The following NDST3 variants were observed in gnomAD, a reference collection of about 807,000 sequenced individuals.
NDST3 encodes the protein bifunctional heparan sulfate N-deacetylase/N-sulfotransferase 3.
Under a neutral mutation model 96.1 loss-of-function variants are expected in NDST3, and 58 were observed. That is an observed-to-expected ratio of 0.60 (90% CI 0.49 to 0.75). NDST3 has a LOEUF of 0.75. Among genes scored for constraint, NDST3 ranks in the 30% least tolerant of loss-of-function variants. The pLI, the probability that NDST3 is intolerant of heterozygous loss-of-function variation, is 0.00. For synonymous variants in NDST3, 333 were observed against 359.7 expected (o/e 0.93, Z 0.84); for missense variants, 788 against 1,034.2 (o/e 0.76, Z 3.27).
intron 3 of NDST3, among the ~76,000 whole-genome samples, chr4:118,107,556 TAAA>T (rs1730300355): frequency 6.6e-6 from 1 of 151,996 alleles, no homozygotes; most frequent in Non-Finnish European, 1.5e-5. Flanking sequence ...TGTATAAAAA[TAAA>T]GAAGATAAAA....
intron 6 of NDST3, among the ~76,000 whole-genome samples, chr4:118,149,193 C>T (rs557936777): frequency 6.0e-4 from 91 of 152,296 alleles, no homozygotes; most frequent in African/African-American, 2.0e-3. Flanking sequence ...CAGCGTGGTT[C>T]CTCCAGCTTT....
chr4:118,080,789 A>G (rs1578597919), intron 2 of NDST3, among the ~76,000 whole-genome samples: 1 of 152,172 alleles, frequency 6.6e-6, no homozygotes, highest in Non-Finnish European at 1.5e-5. Context: ...TGTGTTTTCC[A>G]TGGCACCATA....
Position 118,188,309 on chromosome 4 carries a change from TATATA to T in NDST3, c.1540-36176_1540-36172del, listed in dbSNP as rs567318968. ...TGATATATTTATTATATATTATTAA[TATATA>T]ATATATTAATAATTTATATATTAAT... On this transcript the variant is annotated intron_variant, in intron 6 of 13. Coordinates refer to ENST00000296499, the MANE Select transcript of NDST3 (RefSeq NM_004784.3). Among the ~76,000 whole-genome samples the T allele has an allele frequency of 1.2e-3, 181 of 148,082 alleles. 1 individual carries two copies. The highest frequency in any genetic ancestry group is 2.1e-3 in the South Asian group (10 of 4,778).
At chr4:118,169,641 A>T (rs560443583) in intron 6 of NDST3, among the ~76,000 whole-genome samples, 1 of 152,230 alleles carries the variant, frequency 6.6e-6, no homozygotes, top group Non-Finnish European at 1.5e-5. Flanking sequence ...TAAAAATAAA[A>T]GAATTAGCCT....
chr4:118,122,643 T>G (rs945660128), intron 4 of NDST3, among the ~76,000 whole-genome samples: 1 of 152,194 alleles, frequency 6.6e-6, no homozygotes, highest in Admixed American at 6.6e-5. Context: ...CCTTTAATTT[T>G]TGCTCAGATC....
chr4:118,107,505 A>G (rs1730295130), intron 3 of NDST3, among the ~76,000 whole-genome samples: 1 of 152,196 alleles, frequency 6.6e-6, no homozygotes, highest in Non-Finnish European at 1.5e-5. Flanking sequence ...GATACACTGA[A>G]AAATCAGTGT....
chr4:118,106,825 T>TG (rs1247847817), intron 3 of NDST3, among the ~76,000 whole-genome samples: 1 of 152,118 alleles, frequency 6.6e-6, no homozygotes, highest in Non-Finnish European at 1.5e-5. Context: ...GTGTGGTGGC[T>TG]CATGCCTGTA....
At chr4:118,052,952 T>C (rs61409689) in intron 1 of NDST3, among the ~76,000 whole-genome samples, 2,585 of 152,042 alleles carry the variant, frequency 0.017, 59 homozygotes, top group African/African-American at 0.059. Flanking sequence ...TTTAAAAACA[T>C]TTTTGGAGTA....
At chr4:118,223,184 T>C (rs765358637) in intron 6 of NDST3, among the ~76,000 whole-genome samples, 9 of 151,912 alleles carry the variant, frequency 5.9e-5, no homozygotes, top group Non-Finnish European at 1.2e-4. Context: ...CCAACGACAT[T>C]AGAAAAAAAC....
At chr4:118,042,955 A>G (rs1030013633) in intron 1 of NDST3, among the ~76,000 whole-genome samples, 1 of 152,206 alleles carries the variant, frequency 6.6e-6, no homozygotes, top group Non-Finnish European at 1.5e-5. Context: ...TATGTACAAC[A>G]TACTGTTGGC....
At position 118,105,057 on chromosome 4, in the gene NDST3, A is replaced by C; in HGVS notation, c.1021A>C (p.Thr341Pro). The C allele has an allele frequency of 1.9e-6, 3 of 1,613,558 alleles. No individual in the cohort carries two copies. Among genetic ancestry groups the C allele is most frequent in the Non-Finnish European group, 2.5e-6 (3 of 1,179,684 alleles). ...TCAGAATCTTTTGCGTGCACAAATC[A>C]CAAATTTTACATTCAACCTGGGATT... ...DTQNLLRAQI[T>P]NFTFNLGFSG... The change falls in exon 3 of 14, where the codon ACA (threonine) becomes CCA (proline). Residue 341 changes from threonine to proline, a missense_variant. Transcript: ENST00000296499.
intron 2 of NDST3, among the ~76,000 whole-genome samples, chr4:118,058,167 T>C (rs1172031052): frequency 3.9e-5 from 6 of 152,106 alleles, no homozygotes; most frequent in Middle Eastern, 3.4e-3. Flanking sequence ...AAAAGTTACA[T>C]AAACTGTTAT....
chr4:118,193,694 T>C (rs1578794891), intron 6 of NDST3: 1 of 1,310,094 alleles, frequency 7.6e-7, no homozygotes, highest in Non-Finnish European at 1.1e-6. Flanking sequence ...CACAGCCAGG[T>C]GGGCCTCTCC....
At chr4:118,180,811 C>A (rs778155931) in intron 6 of NDST3, among the ~76,000 whole-genome samples, 2 of 152,104 alleles carry the variant, frequency 1.3e-5, no homozygotes, top group Non-Finnish European at 2.9e-5. Context: ...GTGATGAACA[C>A]TCTAATATCT....
intron 2 of NDST3, among the ~76,000 whole-genome samples, chr4:118,081,432 G>C (rs1728003183): frequency 6.6e-6 from 1 of 152,156 alleles, no homozygotes; most frequent in South Asian, 2.1e-4. Context: ...GTGCGAGAGA[G>C]AGATCTGTTG....
chr4:118,041,472 C>A (rs1042586559), intron 1 of NDST3, among the ~76,000 whole-genome samples: 1 of 151,292 alleles, frequency 6.6e-6, no homozygotes, highest in South Asian at 2.1e-4. Context: ...TCGAACCTAA[C>A]TATTTCAGAA....
At chr4:118,043,165 A>T (rs1724566081) in intron 1 of NDST3, among the ~76,000 whole-genome samples, 1 of 152,196 alleles carries the variant, frequency 6.6e-6, no homozygotes, top group African/African-American at 2.4e-5. Flanking sequence ...TCTACCATAG[A>T]TATTATGATA....
At chr4:118,090,613 A>G (rs1728785839) in intron 2 of NDST3, among the ~76,000 whole-genome samples, 1 of 151,958 alleles carries the variant, frequency 6.6e-6, no homozygotes, top group Admixed American at 6.6e-5. Context: ...ACAAAACATG[A>G]TGCTGAAATC....
Position 118,054,098 on chromosome 4 carries a change from T to C in NDST3, c.188T>C (p.Met63Thr). 1 of 1,612,940 alleles carries C rather than the reference T, an allele frequency of 6.2e-7. No individual in the cohort carries two copies. Among genetic ancestry groups the C allele is most frequent in the Non-Finnish European group, 8.5e-7 (1 of 1,179,322 alleles). The change falls in exon 2 of 14, where the codon ATG becomes ACG. Residue 63 changes from methionine to threonine, a missense_variant. By Grantham distance (81) the Met-to-Thr change is moderately conservative. Around this residue, in one of 3 missense-constraint regions of NDST3, gnomAD observed 234 missense variants for 256.9 expected, o/e 0.91. Transcript: ENST00000296499. ...GDLQHLPYQL[M>T]EVKAMKLFDA... is the part of the protein sequence containing the mutation. ...CTCCAACACCTACCATATCAACTAA[T>C]GGAAGTGAAAGCAATGAAGCTTTTT...
Sources: allele counts gnomAD v4.1 joint callset (sites outside exome capture counted in the v4.1 genomes callset), GRCh38; gene constraint gnomAD v4.1.1; regional missense constraint gnomAD v4.1.1; transcripts MANE v1.5; gene names NCBI Gene and HGNC (gene_info 2026-07-23, HGNC 2026-07-21).